Variants in STAT5B observed in about 807,000 individuals in gnomAD.
STAT5B encodes transcription factor STAT5B.
STAT5B carries 21 observed loss-of-function variants against 107.8 expected under a neutral mutation model. The observed-to-expected ratio is 0.19, with a 90% confidence interval of 0.14 to 0.28. STAT5B has a LOEUF of 0.28. Ranked by LOEUF, STAT5B falls within the 10% of genes least tolerant of loss-of-function variation. The probability of loss-of-function intolerance (pLI) is 1.00; values close to 1 mark genes in which losing one functional copy is unlikely to be tolerated. For synonymous variants in STAT5B, 325 were observed against 401.7 expected (o/e 0.81, Z 2.28); for missense variants, 565 against 1,008.2 (o/e 0.56, Z 5.95).
rs2080039912 is a variant in STAT5B at position 42,201,101 on chromosome 17, C to T, written c.*637G>A. The T allele has an allele frequency of 4.9e-6, 2 of 404,270 alleles. No individual in the cohort carries two copies. Among genetic ancestry groups the T allele is most frequent in the Non-Finnish European group, 8.7e-6 (2 of 229,336 alleles). 25.0% of individuals were successfully genotyped at this position (404,270 alleles called of 1,614,324 possible). On this transcript the variant is annotated 3_prime_UTR_variant, in exon 19 of 19. Coordinates refer to ENST00000293328, the MANE Select transcript of STAT5B (RefSeq NM_012448.4). ...GAGCTAAATGTTTTGTGAAAAGCCA[C>T]CGCCCATCCGAAAGCTTGTGACTTC...
At chr17:42,264,396 C>T (rs1424881320) in intron 1 of STAT5B, among the ~76,000 whole-genome samples, 1 of 136,782 alleles carries the variant, frequency 7.3e-6, no homozygotes, top group Non-Finnish European at 1.5e-5. Flanking sequence ...TGTGATGTTC[C>T]CCTTCCTGTG....
In STAT5B at chr17:42,223,473, C is replaced by T; in HGVS notation, c.459G>A (p.Leu153=). Residue 153 remains leucine, a synonymous_variant, in exon 5 of 19, where the codon CTG becomes CTA. Transcript: ENST00000293328. The part of the protein sequence containing the change: ...QINQTFEELR[L]VTQDTENELK... ...ACTCATTCTCTGTGTCCTGCGTGACCAGTCGCAGCTCCTCAAACGTCTGGT... is the reference window on the plus strand; with the variant it reads ...ACTCATTCTCTGTGTCCTGCGTGACTAGTCGCAGCTCCTCAAACGTCTGGT... The T allele has an allele frequency of 6.2e-7, 1 of 1,614,150 alleles. No individual in the cohort carries two copies. The highest frequency in any genetic ancestry group is 8.5e-7 in the Non-Finnish European group (1 of 1,180,040).
chr17:42,236,727 G>A (rs993073733), intron 1 of STAT5B, among the ~76,000 whole-genome samples: 5 of 152,150 alleles, frequency 3.3e-5, no homozygotes, highest in Non-Finnish European at 4.4e-5. Context: ...GTGAGCCAGC[G>A]TGCCTGGCAG....
At chr17:42,256,411 G>A (rs1315448935) in intron 1 of STAT5B, among the ~76,000 whole-genome samples, 1 of 152,034 alleles carries the variant, frequency 6.6e-6, no homozygotes, top group African/African-American at 2.4e-5. Context: ...ACAGTAAAAG[G>A]CACACTTTCA....
intron 3 of STAT5B, among the ~76,000 whole-genome samples, chr17:42,226,831 A>C (rs2080276684): frequency 6.8e-6 from 1 of 148,006 alleles, no homozygotes; most frequent in Admixed American, 6.8e-5. Context: ...AAAAAAAGAC[A>C]ATGCACAGAG....
At chr17:42,240,961 A>T (rs1159936607) in intron 1 of STAT5B, among the ~76,000 whole-genome samples, 1 of 152,232 alleles carries the variant, frequency 6.6e-6, no homozygotes, top group Non-Finnish European at 1.5e-5. Context: ...TTCTGATCTG[A>T]AAAGTACAAG....
chr17:42,273,125 A>G (rs923884750), intron 1 of STAT5B, among the ~76,000 whole-genome samples: 8 of 152,202 alleles, frequency 5.3e-5, no homozygotes, highest in Non-Finnish European at 8.8e-5. Context: ...TTTAAGTACA[A>G]AAACTGTCTG....
chr17:42,254,855 G>A (rs961026547), intron 1 of STAT5B, among the ~76,000 whole-genome samples: 4 of 152,178 alleles, frequency 2.6e-5, no homozygotes, highest in African/African-American at 9.6e-5. Context: ...CACTTTGGGA[G>A]GCCTAGGCAG....
At chr17:42,275,257 T>C (rs904310199) in intron 1 of STAT5B, 3 of 152,234 alleles carry the variant, frequency 2.0e-5, no homozygotes, top group Admixed American at 6.5e-5. Context: ...TTTGGCACTA[T>C]TTATTTGATA....
chr17:42,206,236 C>T (rs2080083926), intron 16 of STAT5B, among the ~76,000 whole-genome samples: 1 of 151,952 alleles, frequency 6.6e-6, no homozygotes, highest in African/African-American at 2.4e-5. Context: ...ATTACAGGCG[C>T]CCACCACCAC....
intron 12 of STAT5B, chr17:42,214,660 A>G: frequency 5.1e-6 from 5 of 976,596 alleles, no homozygotes; most frequent in Non-Finnish European, 6.1e-6. Context: ...AGAGAAGGAC[A>G]TGCTCTTATG....
intron 1 of STAT5B, chr17:42,269,616 C>G (rs2080705039): frequency 6.6e-6 from 1 of 152,092 alleles, no homozygotes; most frequent in Admixed American, 6.6e-5. Flanking sequence ...AAAATTCAAC[C>G]CTGGTCAAAG....
intron 12 of STAT5B, among the ~76,000 whole-genome samples, chr17:42,215,621 C>T (rs1379737185): frequency 6.6e-6 from 1 of 151,098 alleles, no homozygotes; most frequent in East Asian, 1.9e-4. Flanking sequence ...TTTTCCTATG[C>T]TTTTTTTTTA....
intron 1 of STAT5B, among the ~76,000 whole-genome samples, chr17:42,249,582 C>A (rs1465464791): frequency 6.6e-6 from 1 of 151,934 alleles, no homozygotes; most frequent in Non-Finnish European, 1.5e-5. Flanking sequence ...GATATATATA[C>A]AATGAATATA....
chr17:42,211,049 A>T (rs983607771), intron 13 of STAT5B, among the ~76,000 whole-genome samples: 1 of 151,602 alleles, frequency 6.6e-6, no homozygotes, highest in African/African-American at 2.4e-5. Context: ...AAAAATACAA[A>T]AATTGGCTGG....
At chr17:42,270,890 C>T (rs536530672) in intron 1 of STAT5B, 3 of 152,368 alleles carry the variant, frequency 2.0e-5, no homozygotes, top group African/African-American at 7.2e-5. Context: ...CACGAGTTAA[C>T]ACAAGGCCAG....
At chr17:42,222,426 G>A (rs914302683) in intron 5 of STAT5B, among the ~76,000 whole-genome samples, 2 of 152,134 alleles carry the variant, frequency 1.3e-5, no homozygotes, top group Non-Finnish European at 2.9e-5. Context: ...CTGTCCATAA[G>A]GGCTACCTAA....
intron 4 of STAT5B, 80 bp downstream of exon 4, chr17:42,224,699 C>A: frequency 7.0e-7 from 1 of 1,435,208 alleles, no homozygotes; most frequent in East Asian, 2.3e-5. Flanking sequence ...CCCTGAGTCA[C>A]CTTGACAAAG....
intron 6 of STAT5B, 98 bp downstream of exon 6, chr17:42,219,614 C>T (rs1775446267): frequency 7.1e-7 from 1 of 1,414,800 alleles, no homozygotes; most frequent in African/African-American, 1.5e-5. Flanking sequence ...TCCTGCCCTC[C>T]CAGGTTCTGC....
Sources: gnomAD v4.1 joint callset for allele counts (sites outside exome capture counted in the v4.1 genomes callset) on GRCh38, gnomAD v4.1.1 for gene constraint, MANE v1.5 for transcripts, NCBI Gene and HGNC (gene_info 2026-07-23, HGNC 2026-07-21) for gene names.